The following COBL variants were observed in gnomAD, a reference collection of about 807,000 sequenced individuals.
COBL encodes the protein protein cordon-bleu.
A neutral mutation model predicts 98.8 loss-of-function variants in COBL; 51 were observed. That is an observed-to-expected ratio of 0.52 (90% CI 0.41 to 0.65). COBL has a LOEUF of 0.65. Among genes scored for constraint, COBL ranks in the 30% least tolerant of loss-of-function variants. The probability of loss-of-function intolerance (pLI) is 0.00; values close to 1 mark genes in which losing one functional copy is unlikely to be tolerated. For missense variants in COBL, 1,617 were observed against 1,617.5 expected (o/e 1.00, Z 0.01); for synonymous variants, 634 against 651.7 (o/e 0.97, Z 0.41).
chr7:51,096,838 T>A (rs893929291), intron 6 of COBL, among the ~76,000 whole-genome samples: 1 of 152,050 alleles, frequency 6.6e-6, no homozygotes. Flanking sequence ...AGTCAGGAAA[T>A]CGAATCAGTA....
intron 6 of COBL, among the ~76,000 whole-genome samples, chr7:51,131,742 C>T (rs892167137): frequency 5.9e-5 from 9 of 152,086 alleles, no homozygotes; most frequent in African/African-American, 1.2e-4. Context: ...TACAGGCATC[C>T]GCCACCACGC....
At chr7:51,148,224 C>A (rs1040810294) in intron 5 of COBL, among the ~76,000 whole-genome samples, 4 of 152,166 alleles carry the variant, frequency 2.6e-5, no homozygotes, top group Non-Finnish European at 5.9e-5. Context: ...GTGCACAGGG[C>A]AGGTGGGAGG....
chr7:51,108,636 G>T (rs1160229066), intron 6 of COBL, among the ~76,000 whole-genome samples: 2 of 152,124 alleles, frequency 1.3e-5, no homozygotes, highest in Non-Finnish European at 2.9e-5. Context: ...GTGGCCTCCT[G>T]GGTTACTCCA....
rs891121136 is a variant in COBL, at chr7:51,111,986, C to T, written c.957+24172G>A. On this transcript the variant is annotated intron_variant, in intron 6 of 12. Coordinates refer to ENST00000265136, the MANE Select transcript of COBL (RefSeq NM_015198.5). The stretch of plus-strand genomic sequence containing the variant: ...GGAAGAGGTGAAGATTAGGTAATAT[C>T]CTCATCAATATCATCAAAGGAATCC... Among the ~76,000 whole-genome samples, 3 of 152,148 alleles carry T rather than the reference C, an allele frequency of 2.0e-5. No individual in the cohort carries two copies. In the East Asian group the frequency reaches 5.8e-4, roughly 29 times the overall value.
At chr7:51,077,921 C>T (rs1358112721) in intron 7 of COBL, among the ~76,000 whole-genome samples, 4 of 152,122 alleles carry the variant, frequency 2.6e-5, no homozygotes, top group Non-Finnish European at 5.9e-5. Context: ...CCAAATCACC[C>T]ACTTGCTCTT....
At chr7:51,060,032 T>A (rs1366392801) in intron 7 of COBL, among the ~76,000 whole-genome samples, 1 of 152,108 alleles carries the variant, frequency 6.6e-6, no homozygotes, top group Non-Finnish European at 1.5e-5. Context: ...TGCCGTAAGC[T>A]CTGCCGGATG....
chr7:51,246,169 A>G (rs1796255838), intron 1 of COBL, among the ~76,000 whole-genome samples: 1 of 152,236 alleles, frequency 6.6e-6, no homozygotes, highest in South Asian at 2.1e-4. Flanking sequence ...TTAATGCAGA[A>G]AAGCAAGTAT....
At chr7:51,308,617 G>A (rs1328419431) in intron 1 of COBL, among the ~76,000 whole-genome samples, 1 of 152,124 alleles carries the variant, frequency 6.6e-6, no homozygotes, top group Non-Finnish European at 1.5e-5. Flanking sequence ...ATAAGACAAC[G>A]CTTTGCCAAT....
intron 7 of COBL, among the ~76,000 whole-genome samples, chr7:51,048,576 A>G (rs911097124): frequency 2.0e-5 from 3 of 151,742 alleles, no homozygotes; most frequent in African/African-American, 7.3e-5. Context: ...CCTTGAACTT[A>G]TTTCCATTTC....
Position 51,030,914 on chromosome 7 carries a change from G to A in COBL, c.1407-5C>T. On this transcript the variant is annotated splice_region_variant and splice_polypyrimidine_tract_variant and intron_variant, in intron 8 of 12. Transcript: ENST00000265136. ...GCTGTGACAGCTTTTTCAGTTCTAG[G>A]GAAGACCAAAGAGAAAGGAGCACTC... 6.3e-7 allele frequency: 1 copy of A among 1,577,332 alleles called. No homozygotes were observed. Among genetic ancestry groups the A allele is most frequent in the Non-Finnish European group, 8.7e-7 (1 of 1,147,542 alleles).
intron 12 of COBL, 141 bp downstream of exon 12, chr7:51,024,968 C>G (rs1386741319): frequency 1.8e-6 from 2 of 1,133,478 alleles, no homozygotes; most frequent in Non-Finnish European, 2.6e-6. Context: ...ATGTGAGAGA[C>G]ACAGTGACGC....
chr7:51,228,218 TCA>T (rs1391783874), intron 1 of COBL, among the ~76,000 whole-genome samples: 1 of 152,086 alleles, frequency 6.6e-6, no homozygotes, highest in African/African-American at 2.4e-5. Context: ...TCTGTAGGCC[TCA>T]GTTTCCCCAA....
chr7:51,262,635 T>C (rs753764844), intron 1 of COBL, among the ~76,000 whole-genome samples: 2 of 152,188 alleles, frequency 1.3e-5, no homozygotes, highest in Admixed American at 6.5e-5. Flanking sequence ...ACATTCGCCA[T>C]GCAGTCACCA....
intron 6 of COBL, among the ~76,000 whole-genome samples, chr7:51,134,153 C>T (rs1025943091): frequency 2.6e-5 from 4 of 152,234 alleles, no homozygotes; most frequent in African/African-American, 7.2e-5. Context: ...TCCCCAACAA[C>T]GACGACAATA....
chr7:51,040,702 C>T (rs187617613), intron 8 of COBL, among the ~76,000 whole-genome samples: 69 of 152,224 alleles, frequency 4.5e-4, no homozygotes, highest in African/African-American at 1.6e-3. Context: ...TTCCCGAACT[C>T]CCTCCCTCCC....
intron 6 of COBL, among the ~76,000 whole-genome samples, chr7:51,092,893 T>C (rs1159544167): frequency 6.6e-6 from 1 of 152,288 alleles, no homozygotes; most frequent in East Asian, 1.9e-4. Flanking sequence ...CAATATTAAT[T>C]ATTTTAATCC....
chr7:51,163,606 A>G (rs1216877667), intron 5 of COBL, among the ~76,000 whole-genome samples: 1 of 152,224 alleles, frequency 6.6e-6, no homozygotes, highest in Non-Finnish European at 1.5e-5. Context: ...TTGATTTTTA[A>G]AAGTGGAAAA....
chr7:51,103,543 G>A (rs1045503184), intron 6 of COBL, among the ~76,000 whole-genome samples: 1 of 152,038 alleles, frequency 6.6e-6, no homozygotes, highest in Non-Finnish European at 1.5e-5. Flanking sequence ...GACTTGATTC[G>A]AAGTTTTTAA....
At chr7:51,082,405 G>A (rs1793748309) in intron 7 of COBL, among the ~76,000 whole-genome samples, 1 of 152,154 alleles carries the variant, frequency 6.6e-6, no homozygotes. Context: ...ATGCCTGTCC[G>A]GAGGTGGGAA....
Sources: allele counts gnomAD v4.1 joint callset (sites outside exome capture counted in the v4.1 genomes callset), GRCh38; gene constraint gnomAD v4.1.1; transcripts MANE v1.5; gene names NCBI Gene and HGNC (gene_info 2026-07-23, HGNC 2026-07-21).